NHSL1: variants seen among roughly 807,000 people sequenced by gnomAD.
NHSL1 encodes NHS like 1, also known as NHS-like protein 1.
Under a neutral mutation model 95.0 loss-of-function variants are expected in NHSL1, and 48 were observed. That is an observed-to-expected ratio of 0.51 (90% CI 0.40 to 0.64). NHSL1 has a LOEUF of 0.64. NHSL1 is among the 30% of genes least tolerant of loss of function. The probability of loss-of-function intolerance (pLI) is 0.00; values close to 1 mark genes in which losing one functional copy is unlikely to be tolerated. For synonymous variants in NHSL1, 783 were observed against 833.9 expected (o/e 0.94, Z 1.05); for missense variants, 1,971 against 2,077.7 (o/e 0.95, Z 1.00).
At chr6:138,454,595 T>C (rs1777462690) in intron 3 of NHSL1, among the ~76,000 whole-genome samples, 1 of 152,206 alleles carries the variant, frequency 6.6e-6, no homozygotes, top group African/African-American at 2.4e-5. Context: ...CTCTTGATTA[T>C]GGTAATGGTC....
chr6:138,428,465 C>G (rs1562253828), intron 7 of NHSL1, among the ~76,000 whole-genome samples: 2 of 152,206 alleles, frequency 1.3e-5, no homozygotes, highest in South Asian at 2.1e-4. Flanking sequence ...ATTGGACAAC[C>G]AGCTACCTTT....
chr6:138,509,428 G>C (rs1043834200), intron 1 of NHSL1, among the ~76,000 whole-genome samples: 1 of 152,156 alleles, frequency 6.6e-6, no homozygotes, highest in Non-Finnish European at 1.5e-5. Context: ...TCAAGAACCT[G>C]TTTGATTGAT....
chr6:138,624,855 T>C (rs1344835381), intron 1 of NHSL1, among the ~76,000 whole-genome samples: 1 of 152,222 alleles, frequency 6.6e-6, no homozygotes, highest in Non-Finnish European at 1.5e-5. Context: ...ACCAAATTTC[T>C]TATAATAGCT....
intron 7 of NHSL1, among the ~76,000 whole-genome samples, chr6:138,429,383 C>G (rs1775472982): frequency 6.6e-6 from 1 of 152,200 alleles, no homozygotes; most frequent in African/African-American, 2.4e-5. Flanking sequence ...CCTGACTGCA[C>G]TGTCAGTCAC....
chr6:138,506,511 C>A (rs1477832007), intron 1 of NHSL1, among the ~76,000 whole-genome samples: 2 of 152,072 alleles, frequency 1.3e-5, no homozygotes, highest in African/African-American at 4.8e-5. Context: ...AAGTTGAATT[C>A]CAGATAGATA....
In NHSL1 at chr6:138,433,441, A is replaced by G; in HGVS notation, c.904T>C (p.Ser302Pro). 6.4e-7 allele frequency: 1 copy of G among 1,552,330 alleles called. No individual in the cohort carries two copies. The stretch of plus-strand genomic sequence containing the variant: ...ATCCCTGCAGAATCGCTCAGCACAG[A>G]CATGTTGCCAGAGGAACCTGAGAAG... ...GHFSGSSGNM[S>P]VLSDSAGIVF... Residue 302 changes from serine to proline, a missense_variant, in exon 6 of 8, where the codon TCT becomes CCT. Ser to Pro is a moderately conservative substitution (Grantham distance 74, BLOSUM62 -1). Around this residue, in one of 3 missense-constraint regions of NHSL1, gnomAD observed 1,602 missense variants for 1,654.5 expected, o/e 0.97. Transcript: ENST00000343505.
chr6:138,624,442 GAT>G (rs1784709134), intron 1 of NHSL1, among the ~76,000 whole-genome samples: 1 of 152,098 alleles, frequency 6.6e-6, no homozygotes, highest in Non-Finnish European at 1.5e-5. Flanking sequence ...ACTGAGGCTG[GAT>G]ATATGAGTCT....
chr6:138,470,823 G>A (rs945760301), intron 3 of NHSL1, among the ~76,000 whole-genome samples: 3 of 152,210 alleles, frequency 2.0e-5, no homozygotes, highest in Admixed American at 1.3e-4. Flanking sequence ...AAAGAAGGAC[G>A]CTGTGGGTCC....
In NHSL1 at chr6:138,681,402, C is replaced by G. The variant is rs117012353; in HGVS notation, c.96+11074G>C. On this transcript the variant is annotated intron_variant, in intron 1 of 3. Transcript: ENST00000491526. ...GAATTACTGTCTATTCAATAAATTA[C>G]ATGAAAATTTATGCTGAGGTTACTT... Among the ~76,000 whole-genome samples, 1,106 of 152,300 alleles carry G rather than the reference C, an allele frequency of 7.3e-3. 6 individuals are homozygous for G. Among genetic ancestry groups the G allele is most frequent in the Non-Finnish European group, 0.013 (870 of 68,032 alleles).
At position 138,477,765 on chromosome 6, in the gene NHSL1, A is replaced by G. The variant is rs904408892; in HGVS notation, c.212-4332T>C. On this transcript the variant is annotated intron_variant, in intron 2 of 7. Coordinates refer to ENST00000343505, the MANE Select transcript of NHSL1 (RefSeq NM_001144060.2). The stretch of plus-strand genomic sequence containing the variant: ...CAAAAGGACGTTTCCCTGGGAAATA[A>G]GAAGAGACTGCTGGGCAAGATCATT... Among the ~76,000 whole-genome samples, 8 of 152,142 alleles carry G rather than the reference A, an allele frequency of 5.3e-5. No homozygotes were observed. The East Asian group carries it at 1.5e-3, about 29-fold the overall frequency.
At chr6:138,622,235 G>A (rs973362845) in intron 1 of NHSL1, among the ~76,000 whole-genome samples, 1 of 152,158 alleles carries the variant, frequency 6.6e-6, no homozygotes, top group Non-Finnish European at 1.5e-5. Flanking sequence ...GGGCGTGGTG[G>A]CTCATGCCTG....
rs562338687 is a variant in NHSL1, at chr6:138,610,157, G to A, written c.96+82319C>T. Among the ~76,000 whole-genome samples, 30 of 152,232 alleles carry A rather than the reference G, an allele frequency of 2.0e-4. 1 individual carries two copies. Among genetic ancestry groups the A allele is most frequent in the South Asian group, 1.0e-3 (5 of 4,822 alleles). ...TGTCCCCTTCCGAGCCAACCAAAAC[G>A]TGAGGAGCAAGAAAAGCTAGATTTG... On this transcript the variant is annotated intron_variant, in intron 1 of 3. Coordinates refer to the NHSL1 transcript ENST00000491526.
chr6:138,424,916 A>ACT lies in NHSL1; in HGVS notation c.4086-102_4086-101dup. ...TTATCGCATCTTCAGGTCACCATCT[A>ACT]CTTAAGATTCACTTTCAAAAAATTT... On this transcript the variant is annotated intron_variant, in intron 7 of 7. Transcript: ENST00000343505. The surrounding 1 kb of genome is among the most constrained non-coding windows in gnomAD (Gnocchi z 5.9). 1 of 980,966 alleles carries ACT rather than the reference A, an allele frequency of 1.0e-6. No homozygotes were observed. Among genetic ancestry groups the ACT allele is most frequent in the South Asian group, 1.7e-5 (1 of 57,824 alleles). The allele number at this position is 980,966 out of a possible 1,614,324, so 60.8% of individuals were successfully genotyped here. A position where few individuals can be genotyped will look rare whatever the true frequency, so the allele number is the denominator to read the frequency against.
chr6:138,680,726 C>G (rs1785501893), intron 1 of NHSL1, among the ~76,000 whole-genome samples: 1 of 152,202 alleles, frequency 6.6e-6, no homozygotes, highest in Non-Finnish European at 1.5e-5. Context: ...AAGCGACCCT[C>G]CAGCCTCAGC....
At chr6:138,638,511 ATACT>A (rs1247830755) in intron 1 of NHSL1, among the ~76,000 whole-genome samples, 2 of 152,234 alleles carry the variant, frequency 1.3e-5, no homozygotes, top group South Asian at 2.1e-4. Context: ...GATACCTGCA[ATACT>A]TAATTAATCA....
intron 7 of NHSL1, among the ~76,000 whole-genome samples, chr6:138,429,391 C>T (rs1775474000): frequency 6.6e-6 from 1 of 152,200 alleles, no homozygotes; most frequent in African/African-American, 2.4e-5. Flanking sequence ...CACTGTCAGT[C>T]ACTTTAATCC....
intron 4 of NHSL1, 39 bp downstream of exon 4, chr6:138,446,962 C>T: frequency 6.5e-7 from 1 of 1,539,268 alleles, no homozygotes; most frequent in Non-Finnish European, 8.8e-7. Flanking sequence ...AGTCATTCTC[C>T]CAAGTACATT....
At chr6:138,467,165 A>T (rs540693653) in intron 3 of NHSL1, among the ~76,000 whole-genome samples, 60 of 151,254 alleles carry the variant, frequency 4.0e-4, no homozygotes, top group African/African-American at 7.3e-4. Context: ...ATATATATAT[A>T]TTTTTTTGAG....
At chr6:138,531,973 C>T (rs1277078314) in intron 1 of NHSL1, among the ~76,000 whole-genome samples, 1 of 152,104 alleles carries the variant, frequency 6.6e-6, no homozygotes, top group Non-Finnish European at 1.5e-5. Flanking sequence ...GTTCTTATTG[C>T]CTAGCACAAG....
Sources: gnomAD v4.1 joint callset for allele counts (sites outside exome capture counted in the v4.1 genomes callset) on GRCh38, gnomAD v4.1.1 for gene constraint, gnomAD v4.1.1 regional missense constraint, Gnocchi (gnomAD v3.1) non-coding constraint, MANE v1.5 for transcripts, NCBI Gene and HGNC (gene_info 2026-07-23, HGNC 2026-07-21) for gene names.